Variants in KCNMA1 observed in about 807,000 individuals in gnomAD.
The protein encoded by KCNMA1 is potassium calcium-activated channel subfamily M alpha 1.
Under a neutral mutation model 140.0 loss-of-function variants are expected in KCNMA1, and 29 were observed. That is an observed-to-expected ratio of 0.21 (90% CI 0.15 to 0.28). KCNMA1 has a LOEUF of 0.28. Among genes scored for constraint, KCNMA1 ranks in the 10% least tolerant of loss-of-function variants. The pLI is 1.00. For synonymous variants in KCNMA1, 612 were observed against 611.9 expected (o/e 1.00, Z 0.00); for missense variants, 880 against 1,602.2 (o/e 0.55, Z 7.70).
At chr10:77,250,645 ACTC>A in intron 3 of KCNMA1, 1 of 167,306 alleles carries the variant, frequency 6.0e-6, no homozygotes, top group Admixed American at 5.5e-5. Context: ...GTCATGATGA[ACTC>A]CTCCATCCAT....
intron 13 of KCNMA1, 146 bp from the exon 14 acceptor site, chr10:77,073,398 GT>G: frequency 2.5e-6 from 2 of 815,512 alleles, no homozygotes; most frequent in Non-Finnish European, 4.1e-6. Flanking sequence ...GATGTTTGCT[GT>G]TTTATGCAAC....
At chr10:77,004,980 C>T (rs1351150378) in intron 18 of KCNMA1, among the ~76,000 whole-genome samples, 2 of 152,146 alleles carry the variant, frequency 1.3e-5, no homozygotes, top group Admixed American at 1.3e-4. Flanking sequence ...TTATCTACTC[C>T]CTGGCCACAC....
At chr10:77,062,403 C>T (rs965700083) in intron 14 of KCNMA1, among the ~76,000 whole-genome samples, 16 of 152,290 alleles carry the variant, frequency 1.1e-4, no homozygotes, top group African/African-American at 3.9e-4. Flanking sequence ...CTAACCCGTC[C>T]GGATCTCACT....
intron 12 of KCNMA1, among the ~76,000 whole-genome samples, chr10:77,081,994 CTTTTTTT>C (rs2096580158): frequency 2.9e-5 from 2 of 68,528 alleles, no homozygotes; most frequent in South Asian, 4.7e-4. Context: ...CCAGTAATTT[CTTTTTTT>C]CTTTTCTTTT....
chr10:77,313,305 G>T (rs2079844989), intron 2 of KCNMA1, among the ~76,000 whole-genome samples: 1 of 152,174 alleles, frequency 6.6e-6, no homozygotes, highest in African/African-American at 2.4e-5. Context: ...TTAGCGGTCT[G>T]CGGAAGAAAG....
At chr10:77,618,325 TAC>T (rs1217501823) in intron 1 of KCNMA1, among the ~76,000 whole-genome samples, 2 of 152,204 alleles carry the variant, frequency 1.3e-5, no homozygotes, top group Non-Finnish European at 2.9e-5. Context: ...AGCTGACTAA[TAC>T]ACAGTTTATC....
At chr10:77,179,982 C>T (rs183210931) in intron 5 of KCNMA1, among the ~76,000 whole-genome samples, 9 of 152,242 alleles carry the variant, frequency 5.9e-5, no homozygotes, top group African/African-American at 2.2e-4. Context: ...AATCATATGC[C>T]GACAATTGAA....
intron 2 of KCNMA1, among the ~76,000 whole-genome samples, chr10:77,326,492 G>T (rs935172712): frequency 6.6e-6 from 1 of 151,960 alleles, no homozygotes; most frequent in Non-Finnish European, 1.5e-5. Flanking sequence ...GCTGAAAATA[G>T]ATTTGTCTGA....
In KCNMA1 at chr10:77,420,169, C is replaced by A. The variant is rs901402344; in HGVS notation, c.379-16146G>T. Among the ~76,000 whole-genome samples, 72 of 152,346 alleles carry A rather than the reference C, an allele frequency of 4.7e-4. 1 individual carries two copies. The highest frequency in any genetic ancestry group is 5.9e-4 in the Admixed American group (9 of 15,302). On this transcript the variant is annotated intron_variant, in intron 1 of 27. Transcript: ENST00000286628. ...AGGGTAACTCATGGTCCCAGCACAG[C>A]CTTCACTGAACTGTCAGGCACATGA...
chr10:77,519,199 C>T (rs922431959), intron 1 of KCNMA1, among the ~76,000 whole-genome samples: 56 of 152,264 alleles, frequency 3.7e-4, no homozygotes, highest in African/African-American at 1.0e-3. Flanking sequence ...TCCATGAGTC[C>T]ACATCAGCCA....
intron 2 of KCNMA1, among the ~76,000 whole-genome samples, chr10:77,277,918 T>C (rs1343399830): frequency 1.3e-5 from 2 of 152,210 alleles, no homozygotes; most frequent in Non-Finnish European, 2.9e-5. Flanking sequence ...GAAAAAAGAA[T>C]GCTAGAGATG....
intron 1 of KCNMA1, among the ~76,000 whole-genome samples, chr10:77,479,323 T>C (rs1016769240): frequency 6.6e-6 from 1 of 152,098 alleles, no homozygotes; most frequent in Non-Finnish European, 1.5e-5. Context: ...TGGAGGGCCA[T>C]CCAATGCCAG....
chr10:77,180,080 T>A (rs1202468316), intron 5 of KCNMA1, among the ~76,000 whole-genome samples: 1 of 152,202 alleles, frequency 6.6e-6, no homozygotes, highest in African/African-American at 2.4e-5. Flanking sequence ...CAGAGCCAGC[T>A]ACCGCACAGT....
downstream of KCNMA1, among the ~76,000 whole-genome samples, chr10:76,883,767 TATA>T (rs775933169): frequency 2.1e-5 from 3 of 143,760 alleles, no homozygotes; most frequent in South Asian, 2.2e-4. Flanking sequence ...CAGGAAGAGA[TATA>T]ATAATAAGAA....
chr10:76,910,363 G>A (rs2049655856), intron 24 of KCNMA1: 2 of 438,856 alleles, frequency 4.6e-6, no homozygotes, highest in South Asian at 2.1e-5. Context: ...CCAATAGACT[G>A]TGCTGGCCAG....
At chr10:77,597,128 GA>G (rs2081178958) in intron 1 of KCNMA1, among the ~76,000 whole-genome samples, 1 of 152,122 alleles carries the variant, frequency 6.6e-6, no homozygotes, top group Non-Finnish European at 1.5e-5. Context: ...AGTGGAGAAA[GA>G]AACCATACCC....
chr10:77,375,601 T>C (rs529754742), intron 2 of KCNMA1, among the ~76,000 whole-genome samples: 1 of 152,320 alleles, frequency 6.6e-6, no homozygotes, highest in East Asian at 1.9e-4. Context: ...TCCAACTTGA[T>C]CTGCCATGTT....
chr10:76,969,853 C>T (rs1361412195), intron 20 of KCNMA1, 121 bp downstream of exon 20: 2 of 764,080 alleles, frequency 2.6e-6, no homozygotes, highest in African/African-American at 1.7e-5. Flanking sequence ...ATCTCGCTCC[C>T]CTCCCCCACC....
intron 2 of KCNMA1, among the ~76,000 whole-genome samples, chr10:77,385,443 C>T (rs905094579): frequency 3.3e-5 from 5 of 152,220 alleles, no homozygotes; most frequent in Admixed American, 3.3e-4. Flanking sequence ...ATGTAATCTG[C>T]ATAATAACCC....
Sources: allele counts gnomAD v4.1 joint callset (sites outside exome capture counted in the v4.1 genomes callset), GRCh38; gene constraint gnomAD v4.1.1; transcripts MANE v1.5; gene names NCBI Gene and HGNC (gene_info 2026-07-23, HGNC 2026-07-21).